The following HABP2 variants were observed in gnomAD, a reference collection of about 807,000 sequenced individuals.
HABP2 encodes factor VII-activating protease.
Under a neutral mutation model 66.5 loss-of-function variants are expected in HABP2, and 65 were observed. The ratio of observed to expected loss-of-function variants is 0.98; its 90% confidence interval spans 0.80 to 1.20. The LOEUF is 1.20. Among genes scored for constraint, HABP2 ranks in the 50% most tolerant of loss-of-function variants. HABP2 has a pLI of 0.00. For missense variants in HABP2, 786 were observed against 691.0 expected, an observed-to-expected ratio of 1.14 and a Z score of -1.54; for synonymous variants, 263 against 253.9, an observed-to-expected ratio of 1.04 and a Z score of -0.34.
chr10:113,572,783 A>G, intron 2 of HABP2: 1 of 437,532 alleles, frequency 2.3e-6, no homozygotes, highest in Non-Finnish European at 4.5e-6. Context: ...TTCGGGAGAA[A>G]TAATGAGCAA....
intron 2 of HABP2, among the ~76,000 whole-genome samples, 198 bp downstream of exon 2, chr10:113,567,723 C>T (rs1845226335): frequency 1.3e-5 from 2 of 152,224 alleles, no homozygotes; most frequent in South Asian, 2.1e-4. Flanking sequence ...TTCCTGTGGA[C>T]ACTGATGAGC....
Position 113,588,936 on chromosome 10 carries a change from C to T in HABP2, c.*567C>T, listed in dbSNP as rs767849960. ...CTGAAGCCTGTCTCTGGTGAACAAA[C>T]TTCCTCTCTGGCCTCTCAGGAATCA... On this transcript the variant is annotated 3_prime_UTR_variant, in exon 13 of 13. Transcript: ENST00000351270. 3 of 1,541,884 alleles carry T rather than the reference C, an allele frequency of 1.9e-6. No homozygotes were observed. Among genetic ancestry groups the T allele is most frequent in the South Asian group, 2.2e-5 (2 of 88,962 alleles).
chr10:113,556,976 A>G (rs1228093715), intron 1 of HABP2, among the ~76,000 whole-genome samples: 1 of 152,002 alleles, frequency 6.6e-6, no homozygotes, highest in Non-Finnish European at 1.5e-5. Context: ...CCTCTTGACC[A>G]ATGTGCATTG....
At chr10:113,553,467 A>G (rs1049888598) in intron 1 of HABP2, among the ~76,000 whole-genome samples, 7 of 152,272 alleles carry the variant, frequency 4.6e-5, no homozygotes, top group Admixed American at 3.9e-4. Context: ...GCCCCAGGGC[A>G]TGGATTGTAA....
chr10:113,554,824 T>C (rs1056829551), intron 1 of HABP2, among the ~76,000 whole-genome samples: 3 of 152,198 alleles, frequency 2.0e-5, no homozygotes, highest in African/African-American at 7.2e-5. Context: ...GCAATGAAAT[T>C]ATAAGTCAAT....
chr10:113,574,179 C>T (rs1257322570), intron 2 of HABP2, 110 bp from the exon 3 acceptor site: 4 of 670,338 alleles, frequency 6.0e-6, no homozygotes, highest in Non-Finnish European at 8.1e-6. Flanking sequence ...CACATGATTC[C>T]TCCTGCAGGA....
intron 2 of HABP2, chr10:113,572,803 GT>G (rs1845337779): frequency 2.7e-6 from 1 of 363,944 alleles, no homozygotes; most frequent in Admixed American, 3.3e-5. Flanking sequence ...AGCCAAGGGA[GT>G]CTTGACTTGA....
chr10:113,575,634 C>T (rs558571188), intron 3 of HABP2, among the ~76,000 whole-genome samples: 55 of 152,104 alleles, frequency 3.6e-4, no homozygotes, highest in Non-Finnish European at 7.5e-4. Flanking sequence ...AGAAAGGCCC[C>T]GTCCAAAGCC....
chr10:113,560,981 A>G (rs57274311), intron 1 of HABP2, among the ~76,000 whole-genome samples: 491 of 152,362 alleles, frequency 3.2e-3, no homozygotes, highest in African/African-American at 0.011. Flanking sequence ...AATTAGTATC[A>G]CTGAAAGGTA....
At chr10:113,577,012 G>T in intron 4 of HABP2, 138 bp from the exon 5 acceptor site, 1 of 660,150 alleles carries the variant, frequency 1.5e-6, no homozygotes. Context: ...CCTTGTCCTG[G>T]CATAGCCCAG....
chr10:113,566,870 G>A (rs1845206642), intron 1 of HABP2, among the ~76,000 whole-genome samples: 2 of 152,150 alleles, frequency 1.3e-5, no homozygotes, highest in Non-Finnish European at 1.5e-5. Context: ...GCTTAGTAAA[G>A]GGGCAATGGG....
intron 2 of HABP2, 73 bp from the exon 3 acceptor site, chr10:113,574,216 C>T: frequency 2.6e-6 from 2 of 776,294 alleles, no homozygotes; most frequent in Non-Finnish European, 4.6e-6. Context: ...GAAAAGGTGT[C>T]CAACTAAATA....
chr10:113,583,416 AC>A, intron 10 of HABP2, 58 bp downstream of exon 10: 1 of 1,504,094 alleles, frequency 6.6e-7, no homozygotes, highest in Non-Finnish European at 9.2e-7. Context: ...TTTCTCTATG[AC>A]CAGAAAGCTG....
chr10:113,576,125 A>G (rs1845404953), intron 4 of HABP2, 121 bp downstream of exon 4: 2 of 670,250 alleles, frequency 3.0e-6, no homozygotes, highest in Non-Finnish European at 5.4e-6. Context: ...TGTATCATGC[A>G]TAGTGTATTC....
rs529758208 is a variant in HABP2 at position 113,581,106 on chromosome 10, C to G, written c.838+414C>G. On this transcript the variant is annotated intron_variant, in intron 8 of 12. Transcript: ENST00000351270. The stretch of plus-strand genomic sequence containing the variant: ...CCTGGCCATCTGTCCTGGCCCCGCT[C>G]TGTGCCCACATCTAGAATGATGTGC... Among the ~76,000 whole-genome samples the G allele has an allele frequency of 3.3e-5, 5 of 152,350 alleles. No homozygotes were observed. In the East Asian group the frequency reaches 5.8e-4, roughly 18 times the overall value.
intron 1 of HABP2, among the ~76,000 whole-genome samples, chr10:113,555,263 G>A (rs1844971558): frequency 6.6e-6 from 1 of 152,238 alleles, no homozygotes; most frequent in Non-Finnish European, 1.5e-5. Flanking sequence ...CCTGTCCCAA[G>A]TCATACAGCT....
chr10:113,587,800 G>C (rs1845679909), intron 12 of HABP2, among the ~76,000 whole-genome samples: 1 of 152,084 alleles, frequency 6.6e-6, no homozygotes, highest in Non-Finnish European at 1.5e-5. Context: ...CCTGGCAGGT[G>C]GTAGGGCCTG....
chr10:113,568,020 T>G (rs1477202148), intron 2 of HABP2, among the ~76,000 whole-genome samples: 1 of 152,228 alleles, frequency 6.6e-6, no homozygotes, highest in Non-Finnish European at 1.5e-5. Context: ...ATGGTTTGCT[T>G]CCTCAGGCTC....
In HABP2 at chr10:113,575,913, C is replaced by A. The variant is rs1331320337; in HGVS notation, c.240C>A (p.Asn80Lys). Reference sequence around the variant, plus strand: ...GTGTCTTAGATCCATGCCAGCCCAACCCCTGTGAACACGGTGGGGACTGCC... The same window carrying A: ...GTGTCTTAGATCCATGCCAGCCCAAACCCTGTGAACACGGTGGGGACTGCC... Reference protein sequence around the residue: ...TEDQADPCQPNPCEHGGDCLV... With the variant: ...TEDQADPCQPKPCEHGGDCLV... Residue 80 changes from asparagine (N) to lysine (K), a missense_variant, in exon 4 of 13, where the codon AAC becomes AAA. Physicochemically the swap from Asn to Lys is moderately conservative, Grantham distance 94. Coordinates refer to ENST00000351270, the MANE Select transcript of HABP2 (RefSeq NM_004132.5). 1 of 1,607,336 alleles carries A rather than the reference C, an allele frequency of 6.2e-7. No individual in the cohort carries two copies. Among genetic ancestry groups the A allele is most frequent in the Admixed American group, 1.7e-5 (1 of 59,976 alleles).
Sources: allele counts gnomAD v4.1 joint callset (sites outside exome capture counted in the v4.1 genomes callset), GRCh38; gene constraint gnomAD v4.1.1; transcripts MANE v1.5; gene names NCBI Gene and HGNC (gene_info 2026-07-23, HGNC 2026-07-21).